The following EFHC2 variants were observed in gnomAD, a reference collection of about 807,000 sequenced individuals.
The protein encoded by EFHC2 is EF-hand domain-containing family member C2.
EFHC2 carries 18 observed loss-of-function variants against 52.7 expected under a neutral mutation model. That is an observed-to-expected ratio of 0.34 (90% CI 0.24 to 0.51). EFHC2 has a LOEUF of 0.51. Ranked by LOEUF, EFHC2 falls within the 20% of genes least tolerant of loss-of-function variation. EFHC2 has a pLI of 0.97. For synonymous variants in EFHC2, 203 were observed against 204.1 expected, an observed-to-expected ratio of 0.99 and a Z score of 0.04; for missense variants, 513 against 562.5, an observed-to-expected ratio of 0.91 and a Z score of 0.89.
intron 2 of EFHC2, 44 bp from the exon 3 acceptor site, chrX:44,272,880 C>T: frequency 9.4e-7 from 1 of 1,064,208 alleles, no homozygotes; most frequent in Non-Finnish European, 1.3e-6. Context: ...AAAGAAAATT[C>T]AGCAAACTTA....
At chrX:44,304,281 G>A (rs1220219064) in intron 2 of EFHC2, among the ~76,000 whole-genome samples, 8 of 111,917 alleles carry the variant, frequency 7.1e-5, no homozygotes, top group African/African-American at 1.9e-4. Flanking sequence ...AGTTTTAGAC[G>A]TAAATTGCCA....
At chrX:44,292,161 C>T (rs1282756122) in intron 2 of EFHC2, among the ~76,000 whole-genome samples, 1 of 110,967 alleles carries the variant, frequency 9.0e-6, no homozygotes, top group South Asian at 3.7e-4. Flanking sequence ...TATATATATA[C>T]ATATATGATT....
At chrX:44,149,860 G>T (rs1250399793) in intron 14 of EFHC2, among the ~76,000 whole-genome samples, 1 of 112,163 alleles carries the variant, frequency 8.9e-6, no homozygotes, top group African/African-American at 3.2e-5. Flanking sequence ...CTGGCTGATT[G>T]GTTACTGTTT....
chrX:44,150,999 G>A (rs1450481856), intron 14 of EFHC2, among the ~76,000 whole-genome samples: 2 of 110,710 alleles, frequency 1.8e-5, no homozygotes, highest in South Asian at 3.9e-4. Flanking sequence ...GAGACACACA[G>A]GGGGAACACC....
intron 11 of EFHC2, among the ~76,000 whole-genome samples, chrX:44,220,136 A>ATG (rs1157833535): frequency 3.6e-5 from 4 of 111,973 alleles, no homozygotes; most frequent in African/African-American, 1.3e-4. Flanking sequence ...CAAAGGATAT[A>ATG]CATTCCTTGA....
intron 2 of EFHC2, among the ~76,000 whole-genome samples, chrX:44,278,170 T>C (rs759900309): frequency 1.8e-5 from 2 of 111,274 alleles, no homozygotes; most frequent in East Asian, 5.6e-4. Flanking sequence ...AGGTCAGGAG[T>C]TGGAGACCAG....
intron 11 of EFHC2, among the ~76,000 whole-genome samples, chrX:44,187,956 A>AG (rs2036889434): frequency 1.2e-5 from 1 of 80,677 alleles, no homozygotes; most frequent in South Asian, 7.7e-4. Context: ...CAGAAGTAAA[A>AG]GAAAAAAAAA....
chrX:44,216,496 T>A (rs936032695), intron 11 of EFHC2, among the ~76,000 whole-genome samples: 13 of 111,671 alleles, frequency 1.2e-4, no homozygotes, highest in Non-Finnish European at 2.4e-4. Context: ...ACAACCTGCA[T>A]CTTTTCTAGC....
chrX:44,298,851 A>T (rs1342051215), intron 2 of EFHC2, among the ~76,000 whole-genome samples: 2 of 78,401 alleles, frequency 2.6e-5, no homozygotes, highest in Non-Finnish European at 4.6e-5. Flanking sequence ...ACAGAGTGAG[A>T]CTCTGTCTCA....
chrX:44,261,516 G>C (rs1187344872), intron 3 of EFHC2, among the ~76,000 whole-genome samples: 1 of 110,767 alleles, frequency 9.0e-6, no homozygotes, highest in Non-Finnish European at 1.9e-5. Flanking sequence ...CATGTGGTTA[G>C]AGTTGCCTAA....
Position 44,248,885 on chromosome X carries a change from T to G in EFHC2, c.890A>C (p.Gln297Pro). 8.3e-7 allele frequency: 1 copy of G among 1,206,358 alleles called. No homozygotes were observed. The highest frequency in any genetic ancestry group is 1.1e-6 in the Non-Finnish European group (1 of 893,075). ...NCPPRVYQPG[Q>P]ITDRAVLNSY... is the part of the protein sequence containing the mutation. Reference sequence around the variant, plus strand: ...ATTGAGAACTGCTCGATCTGTTATCTGGCCTGGTTGATAGACTCTAGGTGG... The same window carrying G: ...ATTGAGAACTGCTCGATCTGTTATCGGGCCTGGTTGATAGACTCTAGGTGG... Residue 297 changes from glutamine (Q) to proline (P), a missense_variant, in exon 6 of 15, where the codon CAG becomes CCG. Gln to Pro is a moderately conservative substitution (Grantham distance 76). Transcript: ENST00000420999.
intron 3 of EFHC2, among the ~76,000 whole-genome samples, chrX:44,270,620 G>A (rs2037610690): frequency 9.0e-6 from 1 of 111,398 alleles, no homozygotes; most frequent in African/African-American, 3.3e-5. Context: ...GAGGCACCTG[G>A]ACTCTAAATA....
At chrX:44,279,171 G>A (rs986054730) in intron 2 of EFHC2, among the ~76,000 whole-genome samples, 5 of 111,345 alleles carry the variant, frequency 4.5e-5, no homozygotes, top group Non-Finnish European at 9.4e-5. Context: ...GTGAAACCCC[G>A]TCTCTACTAA....
intron 11 of EFHC2, among the ~76,000 whole-genome samples, chrX:44,179,210 C>T (rs1211567064): frequency 1.8e-5 from 2 of 110,041 alleles, no homozygotes; most frequent in African/African-American, 3.3e-5. Flanking sequence ...TCAATGAAGA[C>T]GACTCAAGGC....
intron 9 of EFHC2, among the ~76,000 whole-genome samples, chrX:44,232,997 C>T (rs188035505): frequency 1.7e-3 from 187 of 110,986 alleles, no homozygotes; most frequent in African/African-American, 5.8e-3. Context: ...AGCAAGATTC[C>T]ATCTCAAAAA....
intron 11 of EFHC2, among the ~76,000 whole-genome samples, chrX:44,181,421 TC>T (rs915509485): frequency 9.0e-6 from 1 of 111,015 alleles, no homozygotes. Context: ...AGTGGCATGC[TC>T]CCAAGGACAA....
chrX:44,326,717 A>ATTTTTT lies in EFHC2; in HGVS notation c.43-13967_43-13962dup, dbSNP rs773265380. On this transcript the variant is annotated intron_variant, in intron 1 of 14. Transcript: ENST00000420999. ...ATCCCTATTTTATGCATGGAGTCTG[A>ATTTTTT]TTTTTTTTTTTTTTTTTTTTTTTTT... Among the ~76,000 whole-genome samples, 4 of 45,053 alleles carry ATTTTTT rather than the reference A, an allele frequency of 8.9e-5. 1 individual carries two copies. The highest frequency in any genetic ancestry group is 7.7e-5 in the Non-Finnish European group (2 of 25,825). 39.1% of individuals were successfully genotyped at this position (45,053 alleles called of 115,157 possible). A position where few individuals can be genotyped will look rare whatever the true frequency, so the allele number is the denominator to read the frequency against.
chrX:44,170,547 C>A (rs1361469236), intron 13 of EFHC2, among the ~76,000 whole-genome samples: 1 of 110,746 alleles, frequency 9.0e-6, no homozygotes, highest in South Asian at 3.9e-4. Flanking sequence ...CTCCCCAAGT[C>A]CCCCATCACA....
intron 1 of EFHC2, among the ~76,000 whole-genome samples, chrX:44,325,405 C>A (rs984335504): frequency 7.2e-5 from 8 of 110,737 alleles, no homozygotes; most frequent in Non-Finnish European, 1.5e-4. Flanking sequence ...TAGGTCAGTG[C>A]TCCTTGGCAT....
Sources: gnomAD v4.1 joint callset for allele counts (sites outside exome capture counted in the v4.1 genomes callset) on GRCh38, gnomAD v4.1.1 for gene constraint, MANE v1.5 for transcripts, NCBI Gene and HGNC (gene_info 2026-07-23, HGNC 2026-07-21) for gene names.